Variants in KCNIP1 observed in about 807,000 individuals in gnomAD.
KCNIP1 encodes the protein A-type potassium channel modulatory protein KCNIP1.
Under a neutral mutation model 33.0 loss-of-function variants are expected in KCNIP1, and 18 were observed. The ratio of observed to expected loss-of-function variants is 0.55; its 90% CI spans 0.38 to 0.81. The LOEUF is 0.81. KCNIP1 is among the 30% of genes least tolerant of loss of function. The probability of loss-of-function intolerance (pLI) is 0.00; values close to 1 mark genes in which losing one functional copy is unlikely to be tolerated. For missense variants in KCNIP1, 238 were observed against 271.6 expected (o/e 0.88, Z 0.87); for synonymous variants, 93 against 98.3 (o/e 0.95, Z 0.32).
At chr5:170,440,337 G>A (rs1222314704) in intron 1 of KCNIP1, among the ~76,000 whole-genome samples, 1 of 152,228 alleles carries the variant, frequency 6.6e-6, no homozygotes, top group African/African-American at 2.4e-5. Flanking sequence ...AAACAGAAAA[G>A]TGTGATAAGG....
At position 170,481,429 on chromosome 5, in the gene KCNIP1, G is replaced by A. The variant is rs552196755; in HGVS notation, c.88+127465G>A. Among the ~76,000 whole-genome samples the A allele has an allele frequency of 1.6e-4, 25 of 152,248 alleles. No homozygotes were observed. In the East Asian group the frequency reaches 2.1e-3, roughly 13 times the overall value. ...TGCTGCTGCTGCTGCTGTGTCCACT[G>A]TTAGTGACAGAAGTGGGAAAATATT... On this transcript the variant is annotated intron_variant, in intron 1 of 7. Coordinates refer to the KCNIP1 transcript ENST00000377360.
chr5:170,733,745 G>A (rs4868018), intron 6 of KCNIP1, 91 bp from the exon 7 acceptor site: 799,768 of 1,075,884 alleles, frequency 0.74, 297,959 homozygotes, highest in East Asian at 0.85. Context: ...GCTCCAGCTC[G>A]TTACTCTGAG....
chr5:170,660,375 A>T (rs950793208), intron 1 of KCNIP1, among the ~76,000 whole-genome samples: 3 of 124,846 alleles, frequency 2.4e-5, no homozygotes, highest in African/African-American at 1.3e-4. Flanking sequence ...TTTTTATAAA[A>T]AAAAAAAAAA....
At chr5:170,476,458 C>G (rs1756859173) in intron 1 of KCNIP1, among the ~76,000 whole-genome samples, 1 of 152,176 alleles carries the variant, frequency 6.6e-6, no homozygotes, top group Non-Finnish European at 1.5e-5. Flanking sequence ...TAAACTTCTC[C>G]TCTGTTCCAA....
intron 1 of KCNIP1, among the ~76,000 whole-genome samples, chr5:170,628,425 A>G (rs756694286): frequency 6.6e-6 from 1 of 152,188 alleles, no homozygotes; most frequent in African/African-American, 2.4e-5. Flanking sequence ...AATTCTCAGA[A>G]TCACATAACA....
chr5:170,473,898 G>A (rs1581224408), intron 1 of KCNIP1, among the ~76,000 whole-genome samples: 1 of 152,180 alleles, frequency 6.6e-6, no homozygotes. Context: ...CAACGAGACA[G>A]GGTAGTGTTG....
chr5:170,354,026 C>G lies in KCNIP1; in HGVS notation c.88+62C>G, dbSNP rs890007856. On this transcript the variant is annotated intron_variant, in intron 1 of 7. Transcript: ENST00000377360. ...GATATGGCCTGGCTGGTCGCATTGC[C>G]TCGGTGTGGTGAGCGTGACCATTCT... The G allele has an allele frequency of 4.8e-6, 7 of 1,456,810 alleles. No homozygotes were observed. The African/African-American group carries it at 9.8e-5, about 20-fold the overall frequency. The allele number at this position is 1,456,810 out of a possible 1,614,324, so 90.2% of individuals were successfully genotyped here.
At chr5:170,451,723 T>TTGTGTGCG (rs1756255780) in intron 1 of KCNIP1, among the ~76,000 whole-genome samples, 1 of 122,902 alleles carries the variant, frequency 8.1e-6, no homozygotes, top group Non-Finnish European at 1.7e-5. Flanking sequence ...TTCTCCTGCA[T>TTGTGTGCG]TGTGTGTGTG....
At chr5:170,686,075 C>T (rs1230343979) in intron 1 of KCNIP1, among the ~76,000 whole-genome samples, 1 of 152,126 alleles carries the variant, frequency 6.6e-6, no homozygotes, top group African/African-American at 2.4e-5. Context: ...CTTTTGTCCC[C>T]AGGACAAAGT....
chr5:170,509,603 G>A (rs942049145), intron 1 of KCNIP1, among the ~76,000 whole-genome samples: 2 of 152,296 alleles, frequency 1.3e-5, no homozygotes, highest in African/African-American at 4.8e-5. Context: ...AATGAATGAA[G>A]CAACAAATGA....
chr5:170,537,565 G>T (rs1756040097), intron 1 of KCNIP1, among the ~76,000 whole-genome samples: 1 of 152,206 alleles, frequency 6.6e-6, no homozygotes, highest in Non-Finnish European at 1.5e-5. Flanking sequence ...GTTGGCTGGG[G>T]AGGCTGACCT....
chr5:170,723,673 G>C (rs1415773502), intron 5 of KCNIP1, among the ~76,000 whole-genome samples: 1 of 152,114 alleles, frequency 6.6e-6, no homozygotes, highest in South Asian at 2.1e-4. Context: ...AGGTGCTGGA[G>C]GTAAAGAGGT....
chr5:170,604,040 C>G (rs1758801533), intron 1 of KCNIP1, among the ~76,000 whole-genome samples: 1 of 152,022 alleles, frequency 6.6e-6, no homozygotes, highest in African/African-American at 2.4e-5. Flanking sequence ...CAAGAGTTGA[C>G]AAAACTTGAA....
rs552720065 is a variant in KCNIP1 at position 170,629,828 on chromosome 5, A to G, written c.62-88930A>G. On this transcript the variant is annotated intron_variant, in intron 1 of 7. Coordinates refer to ENST00000328939, the MANE Select transcript of KCNIP1 (RefSeq NM_014592.4). ...GAAATGAATTAACCCTGAACCTGAA[A>G]AAGGGCAACCACCACACAAGATTCT... is the stretch of plus-strand genomic sequence containing the variant. Among the ~76,000 whole-genome samples the G allele has an allele frequency of 3.3e-3, 503 of 152,348 alleles. 2 individuals are homozygous for G. Among genetic ancestry groups the G allele is most frequent in the Non-Finnish European group, 4.3e-3 (292 of 68,028 alleles).
intron 4 of KCNIP1, among the ~76,000 whole-genome samples, chr5:170,722,111 T>A (rs879409031): frequency 6.6e-6 from 1 of 152,200 alleles, no homozygotes; most frequent in African/African-American, 2.4e-5. Context: ...CTCAGGGGAC[T>A]AATAACAACA....
At chr5:170,496,913 A>G (rs976295920) in intron 1 of KCNIP1, among the ~76,000 whole-genome samples, 1 of 151,824 alleles carries the variant, frequency 6.6e-6, no homozygotes, top group East Asian at 1.9e-4. Context: ...TTTCTCCACC[A>G]TGACCTTTAC....
At chr5:170,476,382 C>T (rs1222534223) in intron 1 of KCNIP1, among the ~76,000 whole-genome samples, 2 of 152,224 alleles carry the variant, frequency 1.3e-5, no homozygotes, top group African/African-American at 2.4e-5. Context: ...CAATTCCAGC[C>T]GGAACAAACA....
chr5:170,679,626 A>AGTGTGTGT (rs58712710), intron 1 of KCNIP1, among the ~76,000 whole-genome samples: 14,718 of 144,376 alleles, frequency 0.1, 744 homozygotes, highest in Non-Finnish European at 0.11. Flanking sequence ...TGTATATGAC[A>AGTGTGTGT]GTGTGTGTGT....
At chr5:170,643,839 C>T (rs1760677938) in intron 1 of KCNIP1, among the ~76,000 whole-genome samples, 2 of 152,234 alleles carry the variant, frequency 1.3e-5, no homozygotes, top group Admixed American at 1.3e-4. Context: ...CCCCCTGGCT[C>T]TGTGCCTTCA....
Sources: allele counts gnomAD v4.1 joint callset (sites outside exome capture counted in the v4.1 genomes callset), GRCh38; gene constraint gnomAD v4.1.1; transcripts MANE v1.5; gene names NCBI Gene and HGNC (gene_info 2026-07-23, HGNC 2026-07-21).